SOCS4: variants seen among roughly 807,000 people sequenced by gnomAD.
SOCS4 encodes SH2 domain containing SOCS box protein.
A neutral mutation model predicts 34.1 loss-of-function variants in SOCS4; 20 were observed. That is an observed-to-expected ratio of 0.59 (90% confidence interval 0.41 to 0.85). The LOEUF is 0.85. SOCS4 is among the 40% of genes least tolerant of loss of function. The pLI, the probability that SOCS4 is intolerant of heterozygous loss-of-function variation, is 0.00. For missense variants in SOCS4, 479 were observed against 532.4 expected (o/e 0.90, Z 0.99); for synonymous variants, 180 against 186.4 (o/e 0.97, Z 0.28).
chr14:55,046,468 G>A lies in SOCS4; in HGVS notation c.*2104G>A, dbSNP rs1335103185. 2 of 166,394 alleles carry A rather than the reference G, an allele frequency of 1.2e-5. No individual in the cohort carries two copies. Among genetic ancestry groups the A allele is most frequent in the African/African-American group, 4.8e-5 (2 of 41,344 alleles). 10.3% of individuals were successfully genotyped at this position (166,394 alleles called of 1,614,324 possible). On this transcript the variant is annotated 3_prime_UTR_variant, in exon 3 of 3. Coordinates refer to ENST00000555846, the MANE Select transcript of SOCS4 (RefSeq NM_199421.2). Reference sequence around the variant, plus strand: ...TAGCTTACAAATATTCTGTTAAGGGGTAGTTTTATAAAGAAAAATGATATA... The same window carrying A: ...TAGCTTACAAATATTCTGTTAAGGGATAGTTTTATAAAGAAAAATGATATA...
At position 55,044,282 on chromosome 14, in the gene SOCS4, C is replaced by A; in HGVS notation, c.1241C>A (p.Ser414Tyr). ...ATCGATGCCCTTCCAATTCCTTCTT[C>A]TATGAAATTATATCTGAAGGAATAT... ...DGIDALPIPSSMKLYLKEYHY... is the reference protein window; with the variant it reads ...DGIDALPIPSYMKLYLKEYHY... Residue 414 changes from serine to tyrosine, a missense_variant, in exon 3 of 3, where the codon TCT becomes TAT. Coordinates refer to ENST00000555846, the MANE Select transcript of SOCS4 (RefSeq NM_199421.2). 1 of 1,613,722 alleles carries A rather than the reference C, an allele frequency of 6.2e-7. No homozygotes were observed. Among genetic ancestry groups the A allele is most frequent in the Non-Finnish European group, 8.5e-7 (1 of 1,179,766 alleles).
chr14:55,042,206 C>T lies in SOCS4; in HGVS notation c.-90-746C>T, dbSNP rs532791585. Among the ~76,000 whole-genome samples the T allele has an allele frequency of 4.3e-4, 65 of 152,296 alleles. 1 individual carries two copies. The highest frequency in any genetic ancestry group is 3.1e-3 in the East Asian group (16 of 5,192). On this transcript the variant is annotated intron_variant, in intron 2 of 2. Transcript: ENST00000555846. ...TGCAAATTCTAGTATGTTTTACCAA[C>T]TTCAGAGGAAAGGCAGTGCCTTATA...
chr14:55,036,542 C>T (rs1233625249), intron 2 of SOCS4, among the ~76,000 whole-genome samples: 1 of 152,058 alleles, frequency 6.6e-6, no homozygotes, highest in East Asian at 1.9e-4. Flanking sequence ...CGGGGTTTTA[C>T]CATGTTGGCC....
chr14:55,040,743 CA>C (rs1025491013), intron 2 of SOCS4, among the ~76,000 whole-genome samples: 10 of 143,802 alleles, frequency 7.0e-5, no homozygotes, highest in Admixed American at 2.8e-4. Context: ...GACTCCATCT[CA>C]AAAAAAAAAG....
At chr14:55,028,674 T>C (rs1431674449) in intron 1 of SOCS4, among the ~76,000 whole-genome samples, 1 of 152,234 alleles carries the variant, frequency 6.6e-6, no homozygotes, top group Admixed American at 6.5e-5. Flanking sequence ...GAGACTATGA[T>C]TGATGTCCAC....
At chr14:55,038,921 C>T (rs1048780848) in intron 2 of SOCS4, among the ~76,000 whole-genome samples, 1 of 152,092 alleles carries the variant, frequency 6.6e-6, no homozygotes, top group Non-Finnish European at 1.5e-5. Context: ...AGTTATTGTT[C>T]ATTTGTTTTC....
Position 55,030,212 on chromosome 14 carries a change from C to G in SOCS4, c.-219-1651C>G, listed in dbSNP as rs184569524. ...ACCTTTTACTAATTTGTACGTAAAA[C>G]TTGTTACCCAACCTTAAATGTAAGC... On this transcript the variant is annotated intron_variant, in intron 1 of 2. Transcript: ENST00000555846. Among the ~76,000 whole-genome samples the G allele has an allele frequency of 3.4e-3, 519 of 152,202 alleles. 4 individuals carry two copies. The highest frequency in any genetic ancestry group is 0.012 in the African/African-American group (493 of 41,540).
intron 2 of SOCS4, among the ~76,000 whole-genome samples, chr14:55,039,201 A>T (rs2042596805): frequency 6.6e-6 from 1 of 152,188 alleles, no homozygotes; most frequent in South Asian, 2.1e-4. Context: ...TCATGCTTGT[A>T]ATCCCAGCAC....
At position 55,048,642 on chromosome 14, in the gene SOCS4, T is replaced by C. The variant is rs1047310637; in HGVS notation, c.*4278T>C. On this transcript the variant is annotated 3_prime_UTR_variant, in exon 3 of 3. Transcript: ENST00000555846. ...ACAAAATGGAGGTAACTTTTTAAAA[T>C]AGATTGGCTTGGAAGTTGAAATGTA... 4 of 167,116 alleles carry C rather than the reference T, an allele frequency of 2.4e-5. No individual in the cohort carries two copies. Among genetic ancestry groups the C allele is most frequent in the Admixed American group, 6.5e-5 (1 of 15,282 alleles). The allele number at this position is 167,116 out of a possible 1,614,324, so 10.4% of individuals were successfully genotyped here.
chr14:55,049,323 T>G lies in SOCS4; in HGVS notation c.*4959T>G, dbSNP rs1461479460. 6.0e-6 allele frequency: 1 copy of G among 167,074 alleles called. No individual in the cohort carries two copies. 10.3% of individuals were successfully genotyped at this position (167,074 alleles called of 1,614,324 possible). A position where few individuals can be genotyped will look rare whatever the true frequency, so the allele number is the denominator to read the frequency against. ...AGTTTTCACAAAGCTATTACTCTCA[T>G]CAGTCAGGCTTGTATGATCTATTCC... is the stretch of plus-strand genomic sequence containing the variant. On this transcript the variant is annotated 3_prime_UTR_variant, in exon 3 of 3. Coordinates refer to ENST00000555846, the MANE Select transcript of SOCS4 (RefSeq NM_199421.2).
intron 1 of SOCS4, chr14:55,027,908 C>G (rs1055233167): frequency 2.0e-5 from 3 of 152,194 alleles, no homozygotes; most frequent in Non-Finnish European, 4.4e-5. Flanking sequence ...AACTTAGTAG[C>G]CTTGAGCACT....
chr14:55,032,258 C>T (rs1490490165), intron 2 of SOCS4, among the ~76,000 whole-genome samples: 1 of 152,104 alleles, frequency 6.6e-6, no homozygotes, highest in East Asian at 1.9e-4. Flanking sequence ...ATAAATGAAG[C>T]TTATCCTTTT....
chr14:55,041,787 T>A (rs2042621505), intron 2 of SOCS4, among the ~76,000 whole-genome samples: 2 of 91,744 alleles, frequency 2.2e-5, no homozygotes, highest in Non-Finnish European at 4.2e-5. Context: ...CTTAATCTTT[T>A]TTTTTTTTTT....
At chr14:55,036,637 C>T (rs1240745854) in intron 2 of SOCS4, among the ~76,000 whole-genome samples, 2 of 152,156 alleles carry the variant, frequency 1.3e-5, no homozygotes, top group African/African-American at 4.8e-5. Flanking sequence ...AGCCACCACA[C>T]CCGGCCATTC....
Position 55,046,770 on chromosome 14 carries a change from G to A in SOCS4, c.*2406G>A, listed in dbSNP as rs1028758461. Reference sequence around the variant, plus strand: ...TTGGTATTTGCTACAGTGAAAAGAAGTTTGGAAAGTAGATACATAAAGACT... The same window carrying A: ...TTGGTATTTGCTACAGTGAAAAGAAATTTGGAAAGTAGATACATAAAGACT... On this transcript the variant is annotated 3_prime_UTR_variant, in exon 3 of 3. Transcript: ENST00000555846. 1 of 167,002 alleles carries A rather than the reference G, an allele frequency of 6.0e-6. No homozygotes were observed. Among genetic ancestry groups the A allele is most frequent in the Admixed American group, 6.5e-5 (1 of 15,274 alleles). 10.3% of individuals were successfully genotyped at this position (167,002 alleles called of 1,614,324 possible).
chr14:55,033,211 A>G (rs1480666020), intron 2 of SOCS4, among the ~76,000 whole-genome samples: 1 of 152,210 alleles, frequency 6.6e-6, no homozygotes, highest in Non-Finnish European at 1.5e-5. Context: ...CGAAAGCACA[A>G]TTTCAAAAAA....
At chr14:55,041,727 C>A (rs2042619813) in intron 2 of SOCS4, among the ~76,000 whole-genome samples, 1 of 149,346 alleles carries the variant, frequency 6.7e-6, no homozygotes, top group Non-Finnish European at 1.5e-5. Flanking sequence ...CCCGCCTCAG[C>A]CTCCCAACGA....
rs928005615 is a variant in SOCS4 at position 55,043,145 on chromosome 14, A to G, written c.104A>G (p.Lys35Arg). The change falls in exon 3 of 3, where the codon AAG (lysine) becomes AGG (arginine). Residue 35 changes from lysine to arginine, a missense_variant. Coordinates refer to ENST00000555846, the MANE Select transcript of SOCS4 (RefSeq NM_199421.2). ...DRKDGYVWSG[K>R]KLSWSKKSES... ...AAAGACGGTTATGTGTGGAGTGGAA[A>G]GAAGTTATCTTGGTCAAAAAAGAGT... 1.2e-5 allele frequency: 19 copies of G among 1,614,158 alleles called. No individual in the cohort carries two copies. The highest frequency in any genetic ancestry group is 1.6e-5 in the Non-Finnish European group (19 of 1,180,056).
At chr14:55,031,020 C>A (rs1299580518) in intron 1 of SOCS4, among the ~76,000 whole-genome samples, 1 of 151,794 alleles carries the variant, frequency 6.6e-6, no homozygotes, top group East Asian at 1.9e-4. Flanking sequence ...GCTTTTTTCC[C>A]CCTCCTTTTT....
Sources: allele counts gnomAD v4.1 joint callset (sites outside exome capture counted in the v4.1 genomes callset), GRCh38; gene constraint gnomAD v4.1.1; transcripts MANE v1.5; gene names NCBI Gene and HGNC (gene_info 2026-07-23, HGNC 2026-07-21).